The following UBN1 variants were observed in gnomAD, a reference collection of about 807,000 sequenced individuals.
UBN1 encodes ubinuclein 1.
A neutral mutation model predicts 108.5 loss-of-function variants in UBN1; 17 were observed. That is an observed-to-expected ratio of 0.16 (90% CI 0.11 to 0.24). The LOEUF (loss-of-function observed/expected upper bound fraction) is 0.24, where lower values mean the gene tolerates loss of function less well. Ranked by LOEUF, UBN1 falls within the 10% of genes least tolerant of loss-of-function variation. UBN1 has a pLI of 1.00. For synonymous variants in UBN1, 726 were observed against 564.2 expected (o/e 1.29, Z -4.07); for missense variants, 1,595 against 1,394.4 (o/e 1.14, Z -2.29).
chr16:4,858,026 A>G lies in UBN1; in HGVS notation c.286A>G (p.Lys96Glu), dbSNP rs1289690237. 3 of 1,613,506 alleles carry G rather than the reference A, an allele frequency of 1.9e-6. No homozygotes were observed. Among genetic ancestry groups the G allele is most frequent in the African/African-American group, 1.3e-5 (1 of 75,034 alleles). Residue 96 changes from lysine (K) to glutamate (E), a missense_variant, in exon 3 of 18, where the codon AAG becomes GAG. Coordinates refer to ENST00000262376, the MANE Select transcript of UBN1 (RefSeq NM_001079514.3). The stretch of plus-strand genomic sequence containing the variant: ...GTCAGATCCTTTCAATGACGAAGAA[A>G]AGGAAAGGCATAAAGTAGAGGCCCT... The part of the protein sequence containing the change: ...DLSDPFNDEE[K>E]ERHKVEALAR...
intron 1 of UBN1, among the ~76,000 whole-genome samples, chr16:4,851,219 A>AGGCT (rs2142105020): frequency 6.6e-6 from 1 of 152,348 alleles, no homozygotes; most frequent in African/African-American, 2.4e-5. Context: ...ATGACCATAT[A>AGGCT]GGCTGGGCTC....
At chr16:4,856,070 C>G (rs1240274951) in intron 2 of UBN1, among the ~76,000 whole-genome samples, 1 of 152,190 alleles carries the variant, frequency 6.6e-6, no homozygotes, top group Non-Finnish European at 1.5e-5. Flanking sequence ...AATTTCAAAT[C>G]CCTTTATAAT....
rs753440193 is a variant in UBN1 at position 4,875,097 on chromosome 16, G to A, written c.2687G>A (p.Gly896Asp). The A allele has an allele frequency of 6.2e-7, 1 of 1,614,084 alleles. No individual in the cohort carries two copies. ...PAKPHSVSSA[G>D]SSYKNNPFAS... is the part of the protein sequence containing the mutation. ...AAGCCACATTCAGTCAGCTCTGCAG[G>A]CTCATCTTACAAGAATAATCCCTTT... The change falls in exon 15 of 18, where the codon GGC becomes GAC. Residue 896 changes from glycine to aspartate, a missense_variant. By Grantham distance (94) the Gly-to-Asp change is moderately conservative (BLOSUM62 -1). This residue lies in a region of UBN1 where 1,398 missense variants were observed against 1,194.7 expected (regional missense o/e 1.17). Coordinates refer to ENST00000262376, the MANE Select transcript of UBN1 (RefSeq NM_001079514.3).
chr16:4,859,221 T>G, intron 5 of UBN1, 62 bp downstream of exon 5: 1 of 1,576,384 alleles, frequency 6.3e-7, no homozygotes, highest in Non-Finnish European at 8.6e-7. Flanking sequence ...ATCAGATCAG[T>G]AGGTGACTTG....
intron 1 of UBN1, among the ~76,000 whole-genome samples, chr16:4,849,966 A>AAAAAAAC (rs57963705): frequency 1.4e-5 from 2 of 145,014 alleles, no homozygotes; most frequent in Admixed American, 6.9e-5. Flanking sequence ...AAAAAAAAAA[A>AAAAAAAC]CCACAAAAAA....
In UBN1 at chr16:4,874,889, C is replaced by G. The variant is rs986335797; in HGVS notation, c.2479C>G (p.Leu827Val). 4 of 1,614,148 alleles carry G rather than the reference C, an allele frequency of 2.5e-6. No homozygotes were observed. In the African/African-American group the frequency reaches 4.0e-5, roughly 16 times the overall value. Residue 827 changes from leucine to valine, a missense_variant, in exon 15 of 18, where the codon CTC becomes GTC. Physicochemically the swap from Leu to Val is conservative, Grantham distance 32. Coordinates refer to ENST00000262376, the MANE Select transcript of UBN1 (RefSeq NM_001079514.3). ...FTPPSPFANKLQGPKASPTQC... is the reference protein window; with the variant it reads ...FTPPSPFANKVQGPKASPTQC... Reference sequence around the variant, plus strand: ...GCCCCCATCTCCATTTGCCAATAAGCTCCAAGGCCCAAAGGCTTCTCCCAC... The same window carrying G: ...GCCCCCATCTCCATTTGCCAATAAGGTCCAAGGCCCAAAGGCTTCTCCCAC...
chr16:4,856,747 TAC>T (rs1319866691), intron 2 of UBN1, among the ~76,000 whole-genome samples: 4 of 152,218 alleles, frequency 2.6e-5, no homozygotes, highest in African/African-American at 9.6e-5. Flanking sequence ...TGGGATTTCT[TAC>T]AGTTACATAA....
At chr16:4,854,356 T>A (rs2086696675) in intron 2 of UBN1, among the ~76,000 whole-genome samples, 2 of 134,854 alleles carry the variant, frequency 1.5e-5, no homozygotes, top group South Asian at 4.8e-4. Context: ...GTTGTTGTTG[T>A]TTTTTGAGAC....
chr16:4,881,701 T>C lies in UBN1; in HGVS notation c.*1569T>C, dbSNP rs1466173253. On this transcript the variant is annotated 3_prime_UTR_variant, in exon 18 of 18. Transcript: ENST00000262376. Reference sequence around the variant, plus strand: ...TCTCCTTTTTTTACATAAGAACCAATCCGTGTTTCACATTGGGCTAAGTGG... The same window carrying C: ...TCTCCTTTTTTTACATAAGAACCAACCCGTGTTTCACATTGGGCTAAGTGG... 3.3e-5 allele frequency: 5 copies of C among 152,236 alleles called. No homozygotes were observed. The highest frequency in any genetic ancestry group is 6.5e-5 in the Admixed American group (1 of 15,282). The allele number at this position is 152,236 out of a possible 1,614,324, so 9.4% of individuals were successfully genotyped here.
At position 4,874,287 on chromosome 16, in the gene UBN1, A is replaced by G. The variant is rs1436285822; in HGVS notation, c.1877A>G (p.Asp626Gly). 2 of 1,613,730 alleles carry G rather than the reference A, an allele frequency of 1.2e-6. No individual in the cohort carries two copies. The highest frequency in any genetic ancestry group is 1.7e-6 in the Non-Finnish European group (2 of 1,179,870). ...GGTGGCCCCATTGCTTTGCCCTCAG[A>G]TCACCAAACAGGAGGCCTGAGTATT... is the stretch of plus-strand genomic sequence containing the variant. ...QIGGPIALPS[D>G]HQTGGLSIGA... Residue 626 changes from aspartate (D) to glycine (G), a missense_variant, in exon 15 of 18, where the codon GAT becomes GGT. Around this residue, in one of 3 missense-constraint regions of UBN1, gnomAD observed 1,398 missense variants for 1,194.7 expected, o/e 1.17. Coordinates refer to ENST00000262376, the MANE Select transcript of UBN1 (RefSeq NM_001079514.3).
At position 4,874,501 on chromosome 16, in the gene UBN1, A is replaced by G; in HGVS notation, c.2091A>G (p.Ala697=). Reference sequence around the variant, plus strand: ...GGAACTCTGAATTCACACTGCCTGCACCCTCAAAAGCACCTGCAGAAAAAG... The same window carrying G: ...GGAACTCTGAATTCACACTGCCTGCGCCCTCAAAAGCACCTGCAGAAAAAG... ...AAGNSEFTLP[A]PSKAPAEKVG... Residue 697 remains alanine (A), a synonymous_variant, in exon 15 of 18, where the codon GCA becomes GCG. Transcript: ENST00000262376. 6.2e-7 allele frequency: 1 copy of G among 1,614,220 alleles called. No homozygotes were observed. The highest frequency in any genetic ancestry group is 1.3e-5 in the African/African-American group (1 of 75,068).
At chr16:4,861,229 C>T (rs2087045801) in intron 7 of UBN1, 127 bp downstream of exon 7, 2 of 1,097,114 alleles carry the variant, frequency 1.8e-6, no homozygotes, top group African/African-American at 1.6e-5. Flanking sequence ...TCAGCTTTTT[C>T]CAAACCCTAT....
At chr16:4,851,779 G>A (rs1284210484) in intron 1 of UBN1, among the ~76,000 whole-genome samples, 1 of 151,898 alleles carries the variant, frequency 6.6e-6, no homozygotes, top group African/African-American at 2.4e-5. Context: ...CTGTGATTGG[G>A]CCACTGCTCT....
At chr16:4,862,574 A>T (rs192834373) in intron 7 of UBN1, among the ~76,000 whole-genome samples, 24 of 152,342 alleles carry the variant, frequency 1.6e-4, no homozygotes, top group Admixed American at 2.6e-4. Context: ...TCTGGTTCGT[A>T]ATCAAATTGT....
At position 4,880,343 on chromosome 16, in the gene UBN1, T is replaced by C. The variant is rs538487219; in HGVS notation, c.*211T>C. ...TCAGGAGGTGCAGACTGCCCCGTGC[T>C]CTGGGCCTTGCAGCTCTGTCGCTAG... is the stretch of plus-strand genomic sequence containing the variant. On this transcript the variant is annotated 3_prime_UTR_variant, in exon 18 of 18. Coordinates refer to ENST00000262376, the MANE Select transcript of UBN1 (RefSeq NM_001079514.3). 184 of 566,558 alleles carry C rather than the reference T, an allele frequency of 3.2e-4. No individual in the cohort carries two copies. The highest frequency in any genetic ancestry group is 4.8e-4 in the Middle Eastern group (1 of 2,082). The allele number at this position is 566,558 out of a possible 1,614,324, so 35.1% of individuals were successfully genotyped here. A position where few individuals can be genotyped will look rare whatever the true frequency, so the allele number is the denominator to read the frequency against.
At chr16:4,861,303 G>A (rs1031005151) in intron 7 of UBN1, among the ~76,000 whole-genome samples, 1 of 152,154 alleles carries the variant, frequency 6.6e-6, no homozygotes, top group East Asian at 1.9e-4. Context: ...GGCCTTTCTT[G>A]GTTTCTTCAT....
At chr16:4,871,731 T>C (rs534024018) in intron 12 of UBN1, among the ~76,000 whole-genome samples, 1 of 151,856 alleles carries the variant, frequency 6.6e-6, no homozygotes, top group South Asian at 2.1e-4. Flanking sequence ...GGACTACAGG[T>C]GCCTGCCACC....
At chr16:4,867,066 G>C (rs1331741458) in intron 7 of UBN1, among the ~76,000 whole-genome samples, 1 of 152,238 alleles carries the variant, frequency 6.6e-6, no homozygotes, top group Non-Finnish European at 1.5e-5. Context: ...GGGCGAGTTG[G>C]TGGATGGCTG....
At chr16:4,859,461 A>T (rs2086960447) in intron 5 of UBN1, among the ~76,000 whole-genome samples, 1 of 152,200 alleles carries the variant, frequency 6.6e-6, no homozygotes, top group African/African-American at 2.4e-5. Flanking sequence ...GGGAATGTGT[A>T]CCACTCTTGC....
Sources: allele counts gnomAD v4.1 joint callset (sites outside exome capture counted in the v4.1 genomes callset), GRCh38; gene constraint gnomAD v4.1.1; regional missense constraint gnomAD v4.1.1; transcripts MANE v1.5; gene names NCBI Gene and HGNC (gene_info 2026-07-23, HGNC 2026-07-21).